The following COL26A1 variants were observed in gnomAD, a reference collection of about 807,000 sequenced individuals.
The protein encoded by COL26A1 is collagen alpha-1(XXVI) chain.
In COL26A1, 41 loss-of-function variants were observed where a neutral mutation model predicts 59.3. That is an observed-to-expected ratio of 0.69 (90% CI 0.54 to 0.90). The LOEUF (loss-of-function observed/expected upper bound fraction) is 0.90. Among genes scored for constraint, COL26A1 ranks in the 40% least tolerant of loss-of-function variants. The probability of loss-of-function intolerance (pLI) is 0.00; values close to 1 mark genes in which losing one functional copy is unlikely to be tolerated. For synonymous variants in COL26A1, 266 were observed against 256.0 expected, an observed-to-expected ratio of 1.04 and a Z score of -0.37; for missense variants, 612 against 602.3, an observed-to-expected ratio of 1.02 and a Z score of -0.17.
intron 4 of COL26A1, among the ~76,000 whole-genome samples, chr7:101,535,336 G>A (rs1221813349): frequency 6.6e-6 from 1 of 152,222 alleles, no homozygotes; most frequent in African/African-American, 2.4e-5. Flanking sequence ...CCCGAGCCAT[G>A]CCCAGCCTGA....
chr7:101,457,628 C>T (rs902893420), intron 3 of COL26A1, among the ~76,000 whole-genome samples: 3 of 152,182 alleles, frequency 2.0e-5, no homozygotes, highest in Non-Finnish European at 4.4e-5. Flanking sequence ...TTTCAGATTT[C>T]ACTCACTGTC....
chr7:101,474,864 C>T (rs762654858), intron 3 of COL26A1, among the ~76,000 whole-genome samples: 22 of 152,244 alleles, frequency 1.4e-4, no homozygotes, highest in Non-Finnish European at 1.5e-4. Context: ...GATAAAAAAG[C>T]GGACAGCTGT....
At chr7:101,556,669 G>T (rs1465061029) in intron 12 of COL26A1, among the ~76,000 whole-genome samples, 1 of 151,314 alleles carries the variant, frequency 6.6e-6, no homozygotes, top group Non-Finnish European at 1.5e-5. Context: ...ATGGATGATG[G>T]ATGAGTGAAC....
chr7:101,557,453 C>A lies in COL26A1; in HGVS notation c.1249C>A (p.Pro417Thr). The change falls in exon 13 of 13, where the codon CCC (proline) becomes ACC (threonine). Residue 417 changes from proline (P) to threonine (T), a missense_variant. By Grantham distance (38) the Pro-to-Thr change is conservative (BLOSUM62 -1). Transcript: ENST00000313669. ...NLKMKRGGAQ[P>T]DGVLAALLGP... ...CAAGATGAAGAGGGGTGGCGCCCAA[C>A]CCGATGGGGTCCTTGCTGCCCTGCT... 6.2e-7 allele frequency: 1 copy of A among 1,613,762 alleles called. No homozygotes were observed. Among genetic ancestry groups the A allele is most frequent in the Non-Finnish European group, 8.5e-7 (1 of 1,179,742 alleles).
rs1322517847 is a variant in COL26A1, at chr7:101,466,439, T to C, written c.385+18652T>C. Among the ~76,000 whole-genome samples, 6 of 152,188 alleles carry C rather than the reference T, an allele frequency of 3.9e-5. No homozygotes were observed. The East Asian group carries it at 1.2e-3, about 29-fold the overall frequency. On this transcript the variant is annotated intron_variant, in intron 3 of 12. Transcript: ENST00000313669. ...TTGATTAGCCGGGCACAGTGACTCA[T>C]ACCTGTCATCCCAGCACTTTAGGAG...
chr7:101,449,119 G>C (rs1793269375), intron 3 of COL26A1, among the ~76,000 whole-genome samples: 1 of 152,190 alleles, frequency 6.6e-6, no homozygotes. Flanking sequence ...ATCCTTGTTG[G>C]AGGTTCCAGG....
At chr7:101,489,150 A>T (rs1563006865) in intron 3 of COL26A1, among the ~76,000 whole-genome samples, 1 of 151,294 alleles carries the variant, frequency 6.6e-6, no homozygotes, top group Admixed American at 6.6e-5. Flanking sequence ...TTCATTTTCT[A>T]CTTGTATGAG....
intron 1 of COL26A1, among the ~76,000 whole-genome samples, chr7:101,415,755 G>A (rs912999196): frequency 1.7e-4 from 26 of 151,502 alleles, no homozygotes; most frequent in African/African-American, 5.8e-4. Flanking sequence ...TCAGCCTCCC[G>A]AGTAGCTGGG....
intron 3 of COL26A1, among the ~76,000 whole-genome samples, chr7:101,502,746 C>T (rs1026711376): frequency 6.6e-6 from 1 of 152,230 alleles, no homozygotes; most frequent in African/African-American, 2.4e-5. Context: ...ATGGGAGTCT[C>T]AGCTCACAGG....
At chr7:101,500,004 C>CGGTT (rs1794668259) in intron 3 of COL26A1, among the ~76,000 whole-genome samples, 1 of 152,032 alleles carries the variant, frequency 6.6e-6, no homozygotes, top group Non-Finnish European at 1.5e-5. Flanking sequence ...TTCCCATAAC[C>CGGTT]ATTTGACAGT....
chr7:101,427,654 G>C (rs1192122827), intron 2 of COL26A1, among the ~76,000 whole-genome samples: 1 of 99,672 alleles, frequency 1.0e-5, no homozygotes, highest in Non-Finnish European at 1.9e-5. Context: ...GAGTGAAACT[G>C]TTTCTTAAAA....
rs869149636 is a variant in COL26A1 at position 101,366,474 on chromosome 7, ATTTTTTTTTTTTTTTTTTT to A, written c.158+3309_158+3327del. Among the ~76,000 whole-genome samples, 38 of 76,272 alleles carry A rather than the reference ATTTTTTTTTTTTTTTTTTT, an allele frequency of 5.0e-4. 1 individual carries two copies. The highest frequency in any genetic ancestry group is 8.6e-4 in the Admixed American group (4 of 4,670). 50.0% of individuals were successfully genotyped at this position (76,272 alleles called of 152,430 possible). A position where few individuals can be genotyped will look rare whatever the true frequency, so the allele number is the denominator to read the frequency against. On this transcript the variant is annotated intron_variant, in intron 1 of 12. Coordinates refer to ENST00000313669, the MANE Select transcript of COL26A1 (RefSeq NM_001278563.3). ...TGTTACTGCTCCTTGTTAACGTCTG[ATTTTTTTTTTTTTTTTTTT>A]TTTTTTTTTTTTTTTTTTTTTTTTA...
At chr7:101,393,756 T>G (rs1465158433) in intron 1 of COL26A1, among the ~76,000 whole-genome samples, 1 of 151,566 alleles carries the variant, frequency 6.6e-6, no homozygotes, top group Non-Finnish European at 1.5e-5. Flanking sequence ...CAATTTTTAA[T>G]TTATTTTAGA....
chr7:101,385,558 A>G (rs1791553370), intron 1 of COL26A1, among the ~76,000 whole-genome samples: 1 of 151,480 alleles, frequency 6.6e-6, no homozygotes, highest in African/African-American at 2.4e-5. Flanking sequence ...TTTAGTAGAG[A>G]TGGGGTTTCT....
chr7:101,515,930 C>T (rs549667514), intron 3 of COL26A1, among the ~76,000 whole-genome samples: 19 of 152,270 alleles, frequency 1.2e-4, no homozygotes, highest in African/African-American at 4.6e-4. Flanking sequence ...ATCTCTCTCC[C>T]GTCCTTCACT....
chr7:101,372,762 A>G (rs1791224302), intron 1 of COL26A1, among the ~76,000 whole-genome samples: 1 of 151,942 alleles, frequency 6.6e-6, no homozygotes, highest in Admixed American at 6.6e-5. Flanking sequence ...TTGGGAGGCC[A>G]AGGTGGGAGG....
intron 5 of COL26A1, among the ~76,000 whole-genome samples, chr7:101,542,998 G>A (rs758766331): frequency 6.6e-6 from 1 of 152,058 alleles, no homozygotes; most frequent in Non-Finnish European, 1.5e-5. Context: ...CACCAGGTGG[G>A]GCACACACTC....
chr7:101,469,629 A>G (rs1427326882), intron 3 of COL26A1, among the ~76,000 whole-genome samples: 1 of 151,988 alleles, frequency 6.6e-6, no homozygotes, highest in Admixed American at 6.6e-5. Context: ...AGCTGGGATT[A>G]CAGGCGTGTG....
chr7:101,382,637 AGTT>A (rs1440670685), intron 1 of COL26A1, among the ~76,000 whole-genome samples: 1 of 152,108 alleles, frequency 6.6e-6, no homozygotes, highest in Non-Finnish European at 1.5e-5. Flanking sequence ...AAATATTCTT[AGTT>A]GTTCTTATAC....
Sources: allele counts gnomAD v4.1 joint callset (sites outside exome capture counted in the v4.1 genomes callset), GRCh38; gene constraint gnomAD v4.1.1; transcripts MANE v1.5; gene names NCBI Gene and HGNC (gene_info 2026-07-23, HGNC 2026-07-21).